AGL: variants seen among roughly 807,000 people sequenced by gnomAD.
AGL encodes glycogen debranching enzyme.
Under a neutral mutation model 199.3 loss-of-function variants are expected in AGL, and 128 were observed. The observed-to-expected ratio is 0.64, with a 90% CI of 0.56 to 0.74. The LOEUF is 0.74. AGL is among the 30% of genes least tolerant of loss of function. AGL has a pLI of 0.00. For missense variants in AGL, 1,809 were observed against 1,820.8 expected (o/e 0.99, Z 0.12); for synonymous variants, 584 against 594.7 (o/e 0.98, Z 0.26).
intron 33 of AGL, among the ~76,000 whole-genome samples, chr1:99,920,317 C>G (rs1655428354): frequency 6.6e-6 from 1 of 152,190 alleles, no homozygotes; most frequent in Non-Finnish European, 1.5e-5. Flanking sequence ...CTCTTCCAGC[C>G]CTGTCTCCTA....
At chr1:99,882,263 T>G (rs1377573706) in intron 17 of AGL, among the ~76,000 whole-genome samples, 2 of 152,200 alleles carry the variant, frequency 1.3e-5, no homozygotes, top group East Asian at 3.8e-4. Flanking sequence ...TTGTTTATAT[T>G]TTATTTCCTA....
chr1:99,919,395 G>C (rs1350011575), intron 33 of AGL, among the ~76,000 whole-genome samples: 2 of 152,012 alleles, frequency 1.3e-5, no homozygotes, highest in African/African-American at 4.8e-5. Context: ...TTGCTTTCTG[G>C]CCCAGCAAGG....
At position 99,859,690 on chromosome 1, in the gene AGL, GCACACCAC is replaced by G. The variant is rs370676947; in HGVS notation, c.83-1806_83-1799del. 6.2e-4 allele frequency among the ~76,000 whole-genome samples: 95 copies of G among 152,178 alleles called. No individual in the cohort carries two copies. In the East Asian group the frequency reaches 0.013, roughly 20 times the overall value. On this transcript the variant is annotated intron_variant, in intron 2 of 33. Coordinates refer to ENST00000361915, the MANE Select transcript of AGL (RefSeq NM_000642.3). ...CTCCTGAGTAGTTGGGATTACAGGT[GCACACCAC>G]CACACCCAGCTATTTTTGCGTTTAG... is the stretch of plus-strand genomic sequence containing the variant.
chr1:99,904,695 T>C lies in AGL; in HGVS notation c.3700+1901T>C, dbSNP rs1189752634. On this transcript the variant is annotated intron_variant, in intron 27 of 33. Transcript: ENST00000361915. Reference sequence around the variant, plus strand: ...TAGTTTTGTCATTTTGAGAATGTTATATGAATGAAACCATGTTCTATATAA... The same window carrying C: ...TAGTTTTGTCATTTTGAGAATGTTACATGAATGAAACCATGTTCTATATAA... Among the ~76,000 whole-genome samples the C allele has an allele frequency of 5.9e-5, 9 of 152,342 alleles. No individual in the cohort carries two copies. The East Asian group carries it at 9.7e-4, about 16-fold the overall frequency.
At chr1:99,912,722 C>T (rs1654838057) in intron 29 of AGL, among the ~76,000 whole-genome samples, 1 of 152,202 alleles carries the variant, frequency 6.6e-6, no homozygotes, top group African/African-American at 2.4e-5. Context: ...GATAAGAAAG[C>T]AGCATAGCTG....
intron 28 of AGL, among the ~76,000 whole-genome samples, chr1:99,911,447 A>ATT (rs996194379): frequency 2.0e-5 from 3 of 148,576 alleles, no homozygotes; most frequent in Non-Finnish European, 4.5e-5. Flanking sequence ...TCTTATTCTA[A>ATT]TTTTTTTTTT....
intron 2 of AGL, among the ~76,000 whole-genome samples, chr1:99,854,871 T>G (rs1270623279): frequency 6.6e-6 from 1 of 151,844 alleles, no homozygotes; most frequent in East Asian, 1.9e-4. Context: ...AAAACACATC[T>G]GATTAAAGAA....
At chr1:99,884,963 T>TAC (rs1024955178) in intron 20 of AGL, among the ~76,000 whole-genome samples, 4 of 152,116 alleles carry the variant, frequency 2.6e-5, no homozygotes, top group Non-Finnish European at 5.9e-5. Context: ...CATCTCTGTA[T>TAC]ACACACACAC....
rs1264284736 is a variant in AGL, at chr1:99,923,842, T to C, written c.*2191T>C. The C allele has an allele frequency of 6.6e-6, 1 of 152,172 alleles. No individual in the cohort carries two copies. The highest frequency in any genetic ancestry group is 1.5e-5 in the Non-Finnish European group (1 of 68,030). 9.4% of individuals were successfully genotyped at this position (152,172 alleles called of 1,614,324 possible). A position where few individuals can be genotyped will look rare whatever the true frequency, so the allele number is the denominator to read the frequency against. On this transcript the variant is annotated 3_prime_UTR_variant, in exon 34 of 34. Coordinates refer to ENST00000361915, the MANE Select transcript of AGL (RefSeq NM_000642.3). ...AAATGAATTTACCAGTTTAGTATGC[T>C]GTGGTATTTTAATAAGTTTTCAAAG... is the stretch of plus-strand genomic sequence containing the variant.
Position 99,880,664 on chromosome 1 carries a change from G to A in AGL, c.1768G>A (p.Gly590Ser), listed in dbSNP as rs1651935929. ...AMSAYNSHEE[G>S]RLVYRYGGEP... is the part of the protein sequence containing the mutation. The stretch of plus-strand genomic sequence containing the variant: ...GAGTGCATATAATAGTCATGAAGAG[G>A]GCAGATTAGTTTACCGATATGGAGG... The change falls in exon 14 of 34, where the codon GGC becomes AGC. Residue 590 changes from glycine to serine, a missense_variant. Gly to Ser is a moderately conservative substitution (Grantham distance 56). Transcript: ENST00000361915. 6.2e-7 allele frequency: 1 copy of A among 1,613,946 alleles called. No homozygotes were observed. The highest frequency in any genetic ancestry group is 8.5e-7 in the Non-Finnish European group (1 of 1,179,934).
At chr1:99,866,930 C>T (rs1472389409) in intron 5 of AGL, among the ~76,000 whole-genome samples, 9 of 151,846 alleles carry the variant, frequency 5.9e-5, no homozygotes, top group Non-Finnish European at 1.0e-4. Context: ...GTGATTCTCC[C>T]GCCTCAGCCT....
At chr1:99,900,892 T>A in intron 26 of AGL, 31 bp downstream of exon 26, 1 of 284,230 alleles carries the variant, frequency 3.5e-6, no homozygotes, top group Non-Finnish European at 5.4e-6. Flanking sequence ...GTTTTTTTGT[T>A]TTTTTTTTTT....
In AGL at chr1:99,900,640, A is replaced by G. The variant is rs757286395; in HGVS notation, c.3367A>G (p.Ile1123Val). 1.2e-6 allele frequency: 2 copies of G among 1,613,146 alleles called. No homozygotes were observed. Among genetic ancestry groups the G allele is most frequent in the East Asian group, 4.5e-5 (2 of 44,878 alleles). Residue 1123 changes from isoleucine to valine, a missense_variant, in exon 26 of 34, where the codon ATT becomes GTT. Coordinates refer to ENST00000361915, the MANE Select transcript of AGL (RefSeq NM_000642.3). ...CACTTAATTCTGTTGTTTTAGGAAT[A>G]TTATTTTAGCATTTGCGGGTACCCT... The part of the protein sequence containing the change: ...ITGRYVEARN[I>V]ILAFAGTLRH...
At chr1:99,869,173 T>C (rs1266578644) in intron 5 of AGL, among the ~76,000 whole-genome samples, 1 of 152,172 alleles carries the variant, frequency 6.6e-6, no homozygotes, top group Non-Finnish European at 1.5e-5. Context: ...CATAAGTTAT[T>C]ACTACATTTT....
At chr1:99,873,474 G>A (rs139068882) in intron 7 of AGL, among the ~76,000 whole-genome samples, 2,229 of 139,934 alleles carry the variant, frequency 0.016, 32 homozygotes, top group Middle Eastern at 0.095. Flanking sequence ...CACTCTTGTC[G>A]CCTAGGCTAA....
intron 29 of AGL, among the ~76,000 whole-genome samples, chr1:99,912,725 C>T (rs1654838213): frequency 6.6e-6 from 1 of 152,208 alleles, no homozygotes; most frequent in African/African-American, 2.4e-5. Context: ...AAGAAAGCAG[C>T]ATAGCTGTTG....
intron 12 of AGL, among the ~76,000 whole-genome samples, chr1:99,878,265 A>C (rs1651716441): frequency 6.6e-6 from 1 of 152,060 alleles, no homozygotes; most frequent in African/African-American, 2.4e-5. Flanking sequence ...GAATCACTTG[A>C]ACCCAGGAGG....
At position 99,876,458 on chromosome 1, in the gene AGL, G is replaced by A. The variant is rs1651537285; in HGVS notation, c.1284G>A (p.Arg428=). The A allele has an allele frequency of 6.3e-7, 1 of 1,576,454 alleles. No individual in the cohort carries two copies. Among genetic ancestry groups the A allele is most frequent in the Non-Finnish European group, 8.7e-7 (1 of 1,149,334 alleles). The change falls in exon 11 of 34, where the codon AGG becomes AGA. Residue 428 remains arginine, a splice_region_variant and synonymous_variant. Transcript: ENST00000361915. Reference sequence around the variant, plus strand: ...TTAATATTTAATTATATTTTCATAGGTATTTTACTTTCCCATTTGAAGAGA... The same window carrying A: ...TTAATATTTAATTATATTTTCATAGATATTTTACTTTCCCATTTGAAGAGA... ...PVTRKHPLVT[R]YFTFPFEEID... is the part of the protein sequence containing the mutation.
intron 4 of AGL, among the ~76,000 whole-genome samples, chr1:99,864,009 A>G (rs1650295406): frequency 6.6e-6 from 1 of 152,196 alleles, no homozygotes; most frequent in South Asian, 2.1e-4. Context: ...TCACTGACAT[A>G]ACTAAAACAG....
Sources: allele counts gnomAD v4.1 joint callset (sites outside exome capture counted in the v4.1 genomes callset), GRCh38; gene constraint gnomAD v4.1.1; transcripts MANE v1.5; gene names NCBI Gene and HGNC (gene_info 2026-07-23, HGNC 2026-07-21).